Variants in M1AP observed in about 807,000 individuals in gnomAD.
The protein encoded by M1AP is meiosis 1 arrest protein.
In M1AP, 39 loss-of-function variants were observed where a neutral mutation model predicts 51.2. That is an observed-to-expected ratio of 0.76 (90% CI 0.59 to 1.00). M1AP has a LOEUF of 1.00. Ranked by LOEUF, M1AP falls within the 50% of genes least tolerant of loss-of-function variation. M1AP has a pLI of 0.00. For synonymous variants in M1AP, 251 were observed against 249.2 expected, an observed-to-expected ratio of 1.01 and a Z score of -0.07; for missense variants, 545 against 641.2, an observed-to-expected ratio of 0.85 and a Z score of 1.62.
At chr2:74,616,804 A>G (rs1681693546) in intron 2 of M1AP, among the ~76,000 whole-genome samples, 1 of 152,230 alleles carries the variant, frequency 6.6e-6, no homozygotes. Context: ...TCTCTTAATA[A>G]TTGGAAATAT....
intron 2 of M1AP, among the ~76,000 whole-genome samples, chr2:74,623,918 C>T (rs1472430872): frequency 6.6e-6 from 1 of 152,132 alleles, no homozygotes; most frequent in Non-Finnish European, 1.5e-5. Flanking sequence ...GCGATCCTCC[C>T]AACTTGCCTC....
chr2:74,581,872 G>A lies in M1AP; in HGVS notation c.596-25C>T, dbSNP rs1679429227. On this transcript the variant is annotated intron_variant, in intron 4 of 10. Coordinates refer to ENST00000421985, the MANE Select transcript of M1AP (RefSeq NM_001321739.2). The stretch of plus-strand genomic sequence containing the variant: ...TCTGCAAAAGAAAGGGAAATAAAGT[G>A]TTCACTTAGATTGTAAATTTTGAGT... 6 of 1,586,318 alleles carry A rather than the reference G, an allele frequency of 3.8e-6. No individual in the cohort carries two copies. The South Asian group carries it at 4.5e-5, about 12-fold the overall frequency.
intron 4 of M1AP, among the ~76,000 whole-genome samples, chr2:74,600,584 G>T (rs746117321): frequency 6.6e-6 from 1 of 152,188 alleles, no homozygotes; most frequent in Non-Finnish European, 1.5e-5. Context: ...GACAAAGAAA[G>T]CATCTGGCTT....
intron 4 of M1AP, among the ~76,000 whole-genome samples, chr2:74,585,640 A>C (rs796666906): frequency 3.3e-5 from 5 of 152,222 alleles, no homozygotes; most frequent in African/African-American, 1.2e-4. Context: ...TCCTCATATA[A>C]TCTCCACAGA....
chr2:74,628,356 C>A (rs1682519046), intron 2 of M1AP: 2 of 379,338 alleles, frequency 5.3e-6, no homozygotes, highest in Middle Eastern at 3.9e-4. Flanking sequence ...AGTGTTTCGT[C>A]TTAAAAACTG....
chr2:74,615,828 T>C (rs1681633987), intron 2 of M1AP: 1 of 152,214 alleles, frequency 6.6e-6, no homozygotes. Context: ...TTTTGATAAA[T>C]GTGGACTGAA....
chr2:74,633,969 A>G (rs181916688), intron 2 of M1AP, among the ~76,000 whole-genome samples: 3 of 152,346 alleles, frequency 2.0e-5, no homozygotes, highest in African/African-American at 7.2e-5. Context: ...CTGACTTAAC[A>G]GCTCCTTACA....
intron 4 of M1AP, among the ~76,000 whole-genome samples, chr2:74,596,504 C>G (rs1022252520): frequency 6.6e-6 from 1 of 152,048 alleles, no homozygotes; most frequent in Non-Finnish European, 1.5e-5. Context: ...ATGGTGTGAA[C>G]CTGGGAGGTG....
intron 8 of M1AP, among the ~76,000 whole-genome samples, chr2:74,560,723 G>A (rs1289959972): frequency 3.3e-5 from 5 of 152,194 alleles, no homozygotes; most frequent in African/African-American, 7.2e-5. Context: ...TGGAAAGGGA[G>A]GAGGGGATAC....
chr2:74,605,341 T>G (rs1174474979), intron 4 of M1AP, among the ~76,000 whole-genome samples: 1 of 152,186 alleles, frequency 6.6e-6, no homozygotes, highest in Non-Finnish European at 1.5e-5. Flanking sequence ...AGCCCTTTGT[T>G]CAAAAAGCAG....
intron 1 of M1AP, among the ~76,000 whole-genome samples, chr2:74,642,692 T>C (rs976894992): frequency 4.6e-5 from 7 of 152,134 alleles, no homozygotes; most frequent in African/African-American, 1.7e-4. Flanking sequence ...ATATAGAAAA[T>C]CTAAAATAAT....
chr2:74,614,688 G>C (rs1319590430), intron 3 of M1AP, among the ~76,000 whole-genome samples: 1 of 152,136 alleles, frequency 6.6e-6, no homozygotes, highest in Non-Finnish European at 1.5e-5. Context: ...GAGGCAGATG[G>C]CATATTCAGA....
chr2:74,600,876 A>C (rs1192986366), intron 4 of M1AP, among the ~76,000 whole-genome samples: 10 of 152,158 alleles, frequency 6.6e-5, no homozygotes. Flanking sequence ...TTACATTAAA[A>C]ATTATAGTCT....
chr2:74,565,261 C>G (rs1252946545), intron 7 of M1AP, among the ~76,000 whole-genome samples: 2 of 151,962 alleles, frequency 1.3e-5, no homozygotes, highest in East Asian at 3.9e-4. Flanking sequence ...CTATTATGTT[C>G]CAAGCACTAG....
intron 4 of M1AP, among the ~76,000 whole-genome samples, chr2:74,592,985 T>C (rs1014004698): frequency 1.3e-5 from 2 of 152,236 alleles, no homozygotes; most frequent in African/African-American, 4.8e-5. Flanking sequence ...ATTCTTGCAC[T>C]GTACTAACTA....
At chr2:74,626,544 C>T (rs1267046799) in intron 2 of M1AP, among the ~76,000 whole-genome samples, 2 of 152,056 alleles carry the variant, frequency 1.3e-5, no homozygotes, top group South Asian at 2.1e-4. Context: ...CAGGCATGAA[C>T]GAACACGCCC....
At chr2:74,595,495 G>A (rs1022218561) in intron 4 of M1AP, among the ~76,000 whole-genome samples, 1 of 151,890 alleles carries the variant, frequency 6.6e-6, no homozygotes. Flanking sequence ...GGGATTATAG[G>A]TGCACACTAC....
intron 4 of M1AP, among the ~76,000 whole-genome samples, chr2:74,593,766 G>A (rs1284909458): frequency 6.6e-6 from 1 of 152,244 alleles, no homozygotes; most frequent in Non-Finnish European, 1.5e-5. Context: ...GAAACTTGGA[G>A]TAACCAAGTA....
chr2:74,606,917 A>C, intron 4 of M1AP, 138 bp downstream of exon 4: 2 of 358,270 alleles, frequency 5.6e-6, no homozygotes, highest in Non-Finnish European at 9.5e-6. Context: ...ATTATATTTT[A>C]AGTTTTAGGG....
Sources: allele counts gnomAD v4.1 joint callset (sites outside exome capture counted in the v4.1 genomes callset), GRCh38; gene constraint gnomAD v4.1.1; transcripts MANE v1.5; gene names NCBI Gene and HGNC (gene_info 2026-07-23, HGNC 2026-07-21).